SYNE2: variants seen among roughly 807,000 people sequenced by gnomAD.
The protein encoded by SYNE2 is nesprin-2.
In SYNE2, 431 loss-of-function variants were observed where a neutral mutation model predicts 856.3. The observed-to-expected ratio is 0.50, with a 90% CI of 0.47 to 0.55. The LOEUF is 0.55. Ranked by LOEUF, SYNE2 falls within the 20% of genes least tolerant of loss-of-function variation. The pLI is 0.00. For missense variants in SYNE2, 8,129 were observed against 8,023.2 expected, an observed-to-expected ratio of 1.01 and a Z score of -0.50; for synonymous variants, 2,923 against 2,872.3, an observed-to-expected ratio of 1.02 and a Z score of -0.56.
At chr14:63,866,752 A>G (rs1394713065) in intron 1 of SYNE2, among the ~76,000 whole-genome samples, 1 of 151,868 alleles carries the variant, frequency 6.6e-6, no homozygotes, top group African/African-American at 2.4e-5. Flanking sequence ...CAGGAGAATC[A>G]CTCGAGCCCA....
At chr14:63,990,154 T>C (rs1318223227) in intron 19 of SYNE2, among the ~76,000 whole-genome samples, 1 of 152,260 alleles carries the variant, frequency 6.6e-6, no homozygotes, top group Non-Finnish European at 1.5e-5. Context: ...TTTCTTTCTA[T>C]TGTCATTGTA....
At chr14:63,852,306 A>C (rs1890595922), upstream of SYNE2, among the ~76,000 whole-genome samples, 1 of 152,086 alleles carries the variant, frequency 6.6e-6, no homozygotes, top group African/African-American at 2.4e-5. Flanking sequence ...CTGGGTCCAA[A>C]GGGACTGATT....
At chr14:64,139,901 T>C (rs2098126707) in intron 79 of SYNE2, 40 bp from the exon 80 acceptor site, 1 of 1,611,036 alleles carries the variant, frequency 6.2e-7, no homozygotes, top group Non-Finnish European at 8.5e-7. Flanking sequence ...TATCAGAATA[T>C]GTTTCTAATC....
intron 2 of SYNE2, among the ~76,000 whole-genome samples, chr14:63,936,855 TGGGCCA>T (rs2095839997): frequency 6.6e-6 from 1 of 152,098 alleles, no homozygotes; most frequent in Admixed American, 6.6e-5. Context: ...GATGGTGACT[TGGGCCA>T]GGGTGGTGGT....
chr14:64,225,594 G>C lies in SYNE2; in HGVS notation c.*68G>C. 2.0e-6 allele frequency: 3 copies of C among 1,531,614 alleles called. No individual in the cohort carries two copies. Among genetic ancestry groups the C allele is most frequent in the South Asian group, 1.2e-5 (1 of 86,484 alleles). 94.9% of individuals were successfully genotyped at this position (1,531,614 alleles called of 1,614,324 possible). ...CAAGGGTGCCCAGCACGTGGCCCCA[G>C]ACCAATCTGAGTGACTTAGTGTTGG... On this transcript the variant is annotated 3_prime_UTR_variant, in exon 116 of 116. Coordinates refer to ENST00000555002, the MANE Select transcript of SYNE2 (RefSeq NM_182914.3).
intron 62 of SYNE2, chr14:64,098,428 G>C: frequency 1.7e-6 from 1 of 586,434 alleles, no homozygotes. Context: ...AAGTATCTTC[G>C]TACAGAAAAG....
intron 46 of SYNE2, chr14:64,048,943 C>T (rs576671045): frequency 1.1e-4 from 17 of 150,536 alleles, no homozygotes; most frequent in Admixed American, 6.6e-4. Context: ...TATAAACAAC[C>T]CATGCAATTT....
Position 63,977,820 on chromosome 14 carries a change from G to C in SYNE2, c.1294-85G>C. The C allele has an allele frequency of 7.5e-6, 7 of 935,406 alleles. No individual in the cohort carries two copies. The South Asian group carries it at 9.4e-5, about 13-fold the overall frequency. The allele number at this position is 935,406 out of a possible 1,614,324, so 57.9% of individuals were successfully genotyped here. A position where few individuals can be genotyped will look rare whatever the true frequency, so the allele number is the denominator to read the frequency against. ...GTTTTATGATTTTTTTTTGAAAAAA[G>C]ATGTAATGCAAGTGAGATTGACAAA... On this transcript the variant is annotated intron_variant, in intron 12 of 115. Coordinates refer to ENST00000555002, the MANE Select transcript of SYNE2 (RefSeq NM_182914.3).
At chr14:64,190,922 T>G in intron 99 of SYNE2, 1 of 701,472 alleles carries the variant, frequency 1.4e-6, no homozygotes, top group Non-Finnish European at 2.6e-6. Context: ...AAAGACAAAC[T>G]CCAGGTGGAT....
At chr14:63,934,504 A>G (rs533200165) in intron 2 of SYNE2, among the ~76,000 whole-genome samples, 2 of 151,780 alleles carry the variant, frequency 1.3e-5, no homozygotes, top group East Asian at 3.9e-4. Context: ...GTTGCTTAGT[A>G]TAAGACCCCT....
At chr14:63,768,365 T>A (rs1017157876) in intron 1 of SYNE2, among the ~76,000 whole-genome samples, 1 of 152,210 alleles carries the variant, frequency 6.6e-6, no homozygotes, top group African/African-American at 2.4e-5. Flanking sequence ...TAAGCCTTCA[T>A]GTTGTAAACC....
At chr14:63,809,179 AGGAATTAAGATGCACCTTTAAATAAAGC>A (rs2139821053) in intron 1 of SYNE2, among the ~76,000 whole-genome samples, 1 of 152,048 alleles carries the variant, frequency 6.6e-6, no homozygotes. Context: ...CTTACCAAAG[AGGAATTAAGATGCACCTTTAAATAAAGC>A]GTTTGTGTTC....
intron 50 of SYNE2, 110 bp from the exon 51 acceptor site, chr14:64,065,322 T>C: frequency 1.0e-6 from 1 of 955,394 alleles, no homozygotes. Flanking sequence ...GATCATGCAA[T>C]ACTTATGGAA....
chr14:64,212,747 G>A, intron 104 of SYNE2, 64 bp from the exon 105 acceptor site: 1 of 1,462,174 alleles, frequency 6.8e-7, no homozygotes. Flanking sequence ...CCTGTTAGAA[G>A]AAACAGGCAG....
intron 6 of SYNE2, among the ~76,000 whole-genome samples, chr14:63,948,178 C>T (rs1595816487): frequency 6.6e-6 from 1 of 151,764 alleles, no homozygotes; most frequent in African/African-American, 2.4e-5. Context: ...CACACACACA[C>T]ACACACACAC....
intron 45 of SYNE2, among the ~76,000 whole-genome samples, chr14:64,039,853 A>G (rs1424233154): frequency 1.3e-5 from 2 of 152,302 alleles, no homozygotes; most frequent in Non-Finnish European, 1.5e-5. Flanking sequence ...GTTCATTGAT[A>G]GATACTCCAG....
intron 52 of SYNE2, among the ~76,000 whole-genome samples, chr14:64,072,654 C>G (rs942150222): frequency 6.6e-6 from 1 of 152,184 alleles, no homozygotes; most frequent in Admixed American, 6.5e-5. Context: ...CATGTGCCAC[C>G]ACACCCGGCT....
chr14:63,929,365 C>T (rs986120390), intron 2 of SYNE2, among the ~76,000 whole-genome samples: 1 of 152,090 alleles, frequency 6.6e-6, no homozygotes, highest in Non-Finnish European at 1.5e-5. Flanking sequence ...ATACCAATAA[C>T]AAATAAGTAA....
At chr14:64,217,870 G>A (rs539459837) in intron 108 of SYNE2, among the ~76,000 whole-genome samples, 1 of 152,326 alleles carries the variant, frequency 6.6e-6, no homozygotes, top group South Asian at 2.1e-4. Flanking sequence ...CCAATCGGCT[G>A]TGTGATAACA....
Sources: gnomAD v4.1 joint callset for allele counts (sites outside exome capture counted in the v4.1 genomes callset) on GRCh38, gnomAD v4.1.1 for gene constraint, MANE v1.5 for transcripts, NCBI Gene and HGNC (gene_info 2026-07-23, HGNC 2026-07-21) for gene names.